Variants in SLC8A3 observed in about 807,000 individuals in gnomAD.
SLC8A3 encodes sodium/calcium exchanger 3.
Under a neutral mutation model 65.4 loss-of-function variants are expected in SLC8A3, and 37 were observed. That is an observed-to-expected ratio of 0.57 (90% CI 0.44 to 0.74). SLC8A3 has a LOEUF of 0.74. SLC8A3 is among the 30% of genes least tolerant of loss of function. The pLI, the probability that SLC8A3 is intolerant of heterozygous loss-of-function variation, is 0.00. For missense variants in SLC8A3, 1,112 were observed against 1,172.1 expected, an observed-to-expected ratio of 0.95 and a Z score of 0.75; for synonymous variants, 461 against 444.5, an observed-to-expected ratio of 1.04 and a Z score of -0.47.
chr14:70,098,847 T>A (rs1334694946), intron 2 of SLC8A3, among the ~76,000 whole-genome samples: 3 of 152,168 alleles, frequency 2.0e-5, no homozygotes, highest in South Asian at 4.1e-4. Context: ...TTTGATTATA[T>A]CCAAGAAAGT....
chr14:70,079,227 T>C (rs902441272), intron 2 of SLC8A3, among the ~76,000 whole-genome samples: 2 of 149,870 alleles, frequency 1.3e-5, no homozygotes, highest in African/African-American at 4.9e-5. Flanking sequence ...CTCACACCTG[T>C]AACCACAGCA....
At chr14:70,136,085 T>G (rs1895181858) in intron 2 of SLC8A3, among the ~76,000 whole-genome samples, 1 of 152,064 alleles carries the variant, frequency 6.6e-6, no homozygotes, top group Admixed American at 6.5e-5. Flanking sequence ...CTTCTGTGCC[T>G]CAGAGTGGAC....
chr14:70,184,011 T>G (rs1347999512), intron 1 of SLC8A3, among the ~76,000 whole-genome samples: 1 of 152,224 alleles, frequency 6.6e-6, no homozygotes, highest in East Asian at 1.9e-4. Context: ...TGCCTGTTGC[T>G]TCACTGCAAT....
intron 2 of SLC8A3, among the ~76,000 whole-genome samples, chr14:70,134,328 T>G (rs2140243961): frequency 6.6e-6 from 1 of 152,334 alleles, no homozygotes; most frequent in South Asian, 2.1e-4. Flanking sequence ...TTAGTATTTT[T>G]CAGATAAAAG....
At chr14:70,104,636 T>C (rs373957485) in intron 2 of SLC8A3, among the ~76,000 whole-genome samples, 2 of 152,162 alleles carry the variant, frequency 1.3e-5, no homozygotes, top group African/African-American at 2.4e-5. Flanking sequence ...AAATTAGAAA[T>C]CAATAATAGT....
chr14:70,076,897 C>T (rs1393715296), intron 2 of SLC8A3, among the ~76,000 whole-genome samples: 1 of 152,182 alleles, frequency 6.6e-6, no homozygotes, highest in Non-Finnish European at 1.5e-5. Flanking sequence ...TCAGAGACGT[C>T]TGGAGGCAGT....
chr14:70,070,331 A>G (rs577283283), intron 2 of SLC8A3, among the ~76,000 whole-genome samples: 13 of 152,360 alleles, frequency 8.5e-5, no homozygotes, highest in African/African-American at 3.1e-4. Flanking sequence ...CTCTGCACAC[A>G]TTATCTCATT....
intron 1 of SLC8A3, among the ~76,000 whole-genome samples, chr14:70,168,982 T>C (rs1897331882): frequency 1.3e-5 from 2 of 152,234 alleles, no homozygotes; most frequent in Admixed American, 6.5e-5. Context: ...CTGTTTAATG[T>C]ATACATATTT....
At chr14:70,060,978 C>T (rs376980062) in intron 2 of SLC8A3, 39 bp from the exon 3 acceptor site, 95 of 956,228 alleles carry the variant, frequency 9.9e-5, no homozygotes, top group Non-Finnish European at 1.3e-4. Flanking sequence ...TCGACTGGGT[C>T]GGTAGATTGG....
intron 2 of SLC8A3, among the ~76,000 whole-genome samples, chr14:70,157,463 T>TA (rs202227118): frequency 0.014 from 2,069 of 151,440 alleles, 46 homozygotes; most frequent in African/African-American, 0.046. Flanking sequence ...ATGACCAGGT[T>TA]AAAAAAAAAT....
intron 2 of SLC8A3, among the ~76,000 whole-genome samples, chr14:70,088,854 A>G (rs1289295293): frequency 2.6e-5 from 4 of 152,072 alleles, no homozygotes; most frequent in South Asian, 2.1e-4. Flanking sequence ...CCCATTTCCA[A>G]TCAGGAACCA....
intron 1 of SLC8A3, among the ~76,000 whole-genome samples, chr14:70,185,672 C>T (rs868644102): frequency 6.6e-6 from 1 of 152,206 alleles, no homozygotes; most frequent in African/African-American, 2.4e-5. Context: ...CTCATTCAAC[C>T]AACATTTACT....
Position 70,168,334 on chromosome 14 carries a change from G to C in SLC8A3, c.89C>G (p.Ala30Gly). The change falls in exon 2 of 7, where the codon GCA becomes GGA. Residue 30 changes from alanine to glycine, a missense_variant. Ala to Gly is a moderately conservative substitution (Grantham distance 60, BLOSUM62 0). Transcript: ENST00000356921. ...TFVLFLNGLR[A>G]EAGGSGDVPS... is the part of the protein sequence containing the mutation. ...CACGTCCCCTGAGCCACCAGCCTCT[G>C]CTCGAAGACCATTCAGGAAGAGCAC... The C allele has an allele frequency of 6.2e-7, 1 of 1,614,114 alleles. No individual in the cohort carries two copies. The highest frequency in any genetic ancestry group is 1.1e-5 in the South Asian group (1 of 91,068).
chr14:70,136,324 G>A (rs77524779), intron 2 of SLC8A3, among the ~76,000 whole-genome samples: 7,477 of 152,258 alleles, frequency 0.049, 222 homozygotes, highest in Middle Eastern at 0.075. Flanking sequence ...AGAACTGTGA[G>A]GCAATACATT....
At chr14:70,162,091 G>C (rs940225739) in intron 2 of SLC8A3, among the ~76,000 whole-genome samples, 1 of 152,128 alleles carries the variant, frequency 6.6e-6, no homozygotes, top group African/African-American at 2.4e-5. Flanking sequence ...ATTAAAACTA[G>C]TCCATAATAT....
chr14:70,109,330 A>T lies in SLC8A3; in HGVS notation c.1785-48391T>A, dbSNP rs548478716. ...ATATATACACATTATATATATACAC[A>T]CACACATATATATACATATAAAGTC... On this transcript the variant is annotated intron_variant, in intron 2 of 6. Transcript: ENST00000356921. Among the ~76,000 whole-genome samples the T allele has an allele frequency of 5.4e-5, 8 of 149,006 alleles. No individual in the cohort carries two copies. The East Asian group carries it at 1.6e-3, about 29-fold the overall frequency.
intron 2 of SLC8A3, among the ~76,000 whole-genome samples, chr14:70,151,635 C>T (rs1157076905): frequency 6.6e-6 from 1 of 152,224 alleles, no homozygotes; most frequent in East Asian, 1.9e-4. Context: ...TATTAGTTTC[C>T]TATGGCTGCT....
At chr14:70,063,893 T>C (rs1889103896) in intron 2 of SLC8A3, 3 of 1,611,300 alleles carry the variant, frequency 1.9e-6, no homozygotes, top group Non-Finnish European at 2.5e-6. Context: ...TTTTCTCATA[T>C]GCCTCATCAT....
At chr14:70,050,834 C>T (rs1887410313) in intron 5 of SLC8A3, among the ~76,000 whole-genome samples, 174 bp downstream of exon 5, 1 of 152,172 alleles carries the variant, frequency 6.6e-6, no homozygotes, top group Non-Finnish European at 1.5e-5. Flanking sequence ...CCAGAGATAA[C>T]CATGTTTTTC....
Sources: gnomAD v4.1 joint callset for allele counts (sites outside exome capture counted in the v4.1 genomes callset) on GRCh38, gnomAD v4.1.1 for gene constraint, MANE v1.5 for transcripts, NCBI Gene and HGNC (gene_info 2026-07-23, HGNC 2026-07-21) for gene names.